The following SMOC1 variants were observed in gnomAD, a reference collection of about 807,000 sequenced individuals.
The protein encoded by SMOC1 is SPARC-related modular calcium-binding protein 1.
SMOC1 carries 22 observed loss-of-function variants against 56.3 expected under a neutral mutation model. The ratio of observed to expected loss-of-function variants is 0.39; its 90% confidence interval spans 0.28 to 0.56. The LOEUF (loss-of-function observed/expected upper bound fraction) is 0.56. Among genes scored for constraint, SMOC1 ranks in the 20% least tolerant of loss-of-function variants. The probability of loss-of-function intolerance (pLI) is 0.61; values close to 1 mark genes in which losing one functional copy is unlikely to be tolerated. For missense variants in SMOC1, 509 were observed against 565.4 expected (o/e 0.90, Z 1.01); for synonymous variants, 193 against 215.0 (o/e 0.90, Z 0.89).
At chr14:69,935,042 T>G (rs1885261100) in intron 1 of SMOC1, among the ~76,000 whole-genome samples, 1 of 152,242 alleles carries the variant, frequency 6.6e-6, no homozygotes, top group African/African-American at 2.4e-5. Context: ...CTACTATGAC[T>G]TCTTCCTCTC....
At chr14:69,910,879 G>T (rs1884539809) in intron 1 of SMOC1, among the ~76,000 whole-genome samples, 1 of 152,114 alleles carries the variant, frequency 6.6e-6, no homozygotes, top group Non-Finnish European at 1.5e-5. Context: ...CTGAGACTGG[G>T]GACTTTAGTG....
At chr14:69,930,431 G>A (rs1011617310) in intron 1 of SMOC1, among the ~76,000 whole-genome samples, 2 of 152,206 alleles carry the variant, frequency 1.3e-5, no homozygotes, top group Non-Finnish European at 2.9e-5. Flanking sequence ...GTCCTCTTTT[G>A]TGCAACATTA....
At chr14:69,898,062 G>A (rs931659181) in intron 1 of SMOC1, among the ~76,000 whole-genome samples, 3 of 152,202 alleles carry the variant, frequency 2.0e-5, no homozygotes, top group East Asian at 3.9e-4. Context: ...GGAATTCTAG[G>A]TTGATGACTT....
At chr14:69,905,956 G>A (rs1175204161) in intron 1 of SMOC1, among the ~76,000 whole-genome samples, 2 of 152,200 alleles carry the variant, frequency 1.3e-5, no homozygotes, top group African/African-American at 2.4e-5. Flanking sequence ...TGTAGACCAA[G>A]CAATCACCAA....
At chr14:69,952,046 T>C in intron 1 of SMOC1, 92 bp from the exon 2 acceptor site, 1 of 1,461,120 alleles carries the variant, frequency 6.8e-7, no homozygotes, top group Admixed American at 1.7e-5. Context: ...GGACTTACTT[T>C]CTAAAGGCAA....
At chr14:69,886,971 A>G (rs895854688) in intron 1 of SMOC1, among the ~76,000 whole-genome samples, 3 of 152,228 alleles carry the variant, frequency 2.0e-5, no homozygotes, top group Non-Finnish European at 4.4e-5. Flanking sequence ...TTGAGTATTC[A>G]CATTTCTTAT....
At chr14:69,990,929 A>C (rs1256602805) in intron 5 of SMOC1, among the ~76,000 whole-genome samples, 1 of 152,118 alleles carries the variant, frequency 6.6e-6, no homozygotes, top group Non-Finnish European at 1.5e-5. Flanking sequence ...AGCCTCTAAC[A>C]AGGGTTAGAG....
chr14:70,014,588 C>T (rs1259526177), intron 10 of SMOC1, among the ~76,000 whole-genome samples: 1 of 152,096 alleles, frequency 6.6e-6, no homozygotes, highest in Non-Finnish European at 1.5e-5. Flanking sequence ...GGACTCAGAT[C>T]CCGAAAGTCC....
chr14:69,912,288 A>C (rs1884574217), intron 1 of SMOC1, among the ~76,000 whole-genome samples: 1 of 152,144 alleles, frequency 6.6e-6, no homozygotes, highest in African/African-American at 2.4e-5. Flanking sequence ...TTGCTCTGTC[A>C]CTCAGGCTGG....
intron 1 of SMOC1, among the ~76,000 whole-genome samples, chr14:69,884,945 GT>G (rs200317489): frequency 8.3e-4 from 126 of 151,212 alleles, no homozygotes; most frequent in Admixed American, 2.6e-3. Flanking sequence ...AAATTTTAGG[GT>G]TTTTTTTTCT....
At chr14:69,965,524 A>G (rs187559343) in intron 3 of SMOC1, among the ~76,000 whole-genome samples, 1 of 152,252 alleles carries the variant, frequency 6.6e-6, no homozygotes, top group African/African-American at 2.4e-5. Context: ...CAGTATATAA[A>G]GAGTAGGATT....
intron 1 of SMOC1, among the ~76,000 whole-genome samples, chr14:69,942,959 A>G (rs1882621805): frequency 6.6e-6 from 1 of 151,984 alleles, no homozygotes; most frequent in Non-Finnish European, 1.5e-5. Flanking sequence ...ACCTGGTGTA[A>G]GAGAGCCTTC....
At chr14:69,934,099 A>T (rs1303226160) in intron 1 of SMOC1, among the ~76,000 whole-genome samples, 1 of 152,176 alleles carries the variant, frequency 6.6e-6, no homozygotes, top group East Asian at 1.9e-4. Context: ...AGAGGTATGT[A>T]TCTTGATCAA....
chr14:69,975,767 A>G lies in SMOC1; in HGVS notation c.431A>G (p.Lys144Arg). Reference protein sequence around the residue: ...GYCWCVTPDGKPISGSSVQNK... With the variant: ...GYCWCVTPDGRPISGSSVQNK... ...TGCTGGTGTGTCACCCCGGATGGGAAGCCCATCAGTGGCTCTTCTGTGCAG... is the reference window on the plus strand; with the variant it reads ...TGCTGGTGTGTCACCCCGGATGGGAGGCCCATCAGTGGCTCTTCTGTGCAG... Residue 144 changes from lysine to arginine, a missense_variant, in exon 4 of 12, where the codon AAG becomes AGG. Transcript: ENST00000361956. The G allele has an allele frequency of 6.2e-7, 1 of 1,613,042 alleles. No homozygotes were observed. The highest frequency in any genetic ancestry group is 8.5e-7 in the Non-Finnish European group (1 of 1,179,998).
chr14:69,956,119 T>A (rs960429131), intron 3 of SMOC1, among the ~76,000 whole-genome samples: 3 of 152,186 alleles, frequency 2.0e-5, no homozygotes, highest in Admixed American at 1.3e-4. Flanking sequence ...TAGTCCAGGC[T>A]AAATTGCTAA....
chr14:69,946,190 A>T (rs1166721663), intron 1 of SMOC1, among the ~76,000 whole-genome samples: 2 of 152,190 alleles, frequency 1.3e-5, no homozygotes, highest in Non-Finnish European at 2.9e-5. Flanking sequence ...ACTGAAGGGG[A>T]AGAATCAGCA....
intron 7 of SMOC1, among the ~76,000 whole-genome samples, chr14:69,995,075 T>C (rs139284731): frequency 1.3e-3 from 191 of 152,364 alleles, no homozygotes; most frequent in African/African-American, 4.4e-3. Context: ...GAAAATGTGT[T>C]CACAAGCGAA....
intron 1 of SMOC1, among the ~76,000 whole-genome samples, chr14:69,890,864 T>C (rs1315927756): frequency 6.6e-6 from 1 of 152,218 alleles, no homozygotes; most frequent in Non-Finnish European, 1.5e-5. Context: ...GTAATTCTGC[T>C]CTGGTACATA....
chr14:69,975,827 G>A lies in SMOC1; in HGVS notation c.478+13G>A. ...CCTGTATGTTCAGGTACCGTAGGGA[G>A]GGGCGGGAAGAATGAAAAGGGTTGG... On this transcript the variant is annotated intron_variant, in intron 4 of 11. Coordinates refer to ENST00000361956, the MANE Select transcript of SMOC1 (RefSeq NM_001034852.3). The A allele has an allele frequency of 6.3e-7, 1 of 1,591,428 alleles. No individual in the cohort carries two copies. Among genetic ancestry groups the A allele is most frequent in the Non-Finnish European group, 8.6e-7 (1 of 1,161,326 alleles).
Sources: allele counts gnomAD v4.1 joint callset (sites outside exome capture counted in the v4.1 genomes callset), GRCh38; gene constraint gnomAD v4.1.1; transcripts MANE v1.5; gene names NCBI Gene and HGNC (gene_info 2026-07-23, HGNC 2026-07-21).